Variants in MLLT1 observed in about 807,000 individuals in gnomAD.
MLLT1 encodes protein ENL.
Under a neutral mutation model 55.1 loss-of-function variants are expected in MLLT1, and 11 were observed. That is an observed-to-expected ratio of 0.20 (90% CI 0.13 to 0.33). The LOEUF is 0.33. Among genes scored for constraint, MLLT1 ranks in the 10% least tolerant of loss-of-function variants. The pLI is 1.00. For missense variants in MLLT1, 536 were observed against 760.6 expected (o/e 0.70, Z 3.47); for synonymous variants, 323 against 320.1 (o/e 1.01, Z -0.10).
rs544626099 is a variant in MLLT1, at chr19:6,211,580, G to C, written c.*1462C>G. 189 of 1,063,050 alleles carry C rather than the reference G, an allele frequency of 1.8e-4. No individual in the cohort carries two copies. The highest frequency in any genetic ancestry group is 2.1e-4 in the Non-Finnish European group (186 of 877,066). The allele number at this position is 1,063,050 out of a possible 1,614,324, so 65.9% of individuals were successfully genotyped here. A position where few individuals can be genotyped will look rare whatever the true frequency, so the allele number is the denominator to read the frequency against. On this transcript the variant is annotated 3_prime_UTR_variant, in exon 12 of 12. Transcript: ENST00000252674. This position sits in a 1 kb window ranked among gnomAD's most constrained non-coding sequence, Gnocchi z 4.6. ...GGAGGAGACATCTAGGTGGGTTCGA[G>C]GGGGTGCGAGCCCACCTCCAGGCCC...
intron 3 of MLLT1, among the ~76,000 whole-genome samples, chr19:6,237,213 C>T (rs974883171): frequency 1.3e-4 from 20 of 152,222 alleles, no homozygotes; most frequent in Admixed American, 6.5e-5. Flanking sequence ...GCGGGCCATG[C>T]GTGGAGCGCC....
Position 6,262,217 on chromosome 19 carries a change from A to T in MLLT1, c.276+11T>A, listed in dbSNP as rs1486293007. 3 of 1,612,192 alleles carry T rather than the reference A, an allele frequency of 1.9e-6. No homozygotes were observed. The highest frequency in any genetic ancestry group is 2.5e-6 in the Non-Finnish European group (3 of 1,178,520). On this transcript the variant is annotated intron_variant, in intron 3 of 11. Transcript: ENST00000252674. This position sits in a 1 kb window ranked among gnomAD's most constrained non-coding sequence, Gnocchi z 4.4. Reference sequence around the variant, plus strand: ...GAGAGGCATCCTGCTTGCTCCCCTCAGGGATCCTACCTTGTTTTTGAAGTG... The same window carrying T: ...GAGAGGCATCCTGCTTGCTCCCCTCTGGGATCCTACCTTGTTTTTGAAGTG...
chr19:6,245,185 T>G (rs1005450827), intron 3 of MLLT1, among the ~76,000 whole-genome samples: 1 of 151,954 alleles, frequency 6.6e-6, no homozygotes, highest in Non-Finnish European at 1.5e-5. Context: ...AAAAAAAAAT[T>G]TTTTTAAATC....
intron 4 of MLLT1, among the ~76,000 whole-genome samples, chr19:6,228,738 C>T (rs560810063): frequency 2.0e-5 from 3 of 152,284 alleles, no homozygotes; most frequent in South Asian, 2.1e-4. Context: ...CCCCTGCCAC[C>T]GAGGCCTCCG....
chr19:6,243,172 G>A (rs892498689), intron 3 of MLLT1, among the ~76,000 whole-genome samples: 13 of 152,208 alleles, frequency 8.5e-5, no homozygotes, highest in African/African-American at 3.1e-4. Context: ...GTCACCAAGC[G>A]GTAAAGCTGA....
At chr19:6,217,551 G>A (rs1164804064) in intron 7 of MLLT1, among the ~76,000 whole-genome samples, 3 of 152,360 alleles carry the variant, frequency 2.0e-5, no homozygotes, top group Non-Finnish European at 2.9e-5. Context: ...GGCAGCAGGA[G>A]ACCCCGGCCG....
chr19:6,236,492 C>G (rs1449818063), intron 3 of MLLT1, among the ~76,000 whole-genome samples: 2 of 152,118 alleles, frequency 1.3e-5, no homozygotes, highest in Admixed American at 6.5e-5. Flanking sequence ...ACGAGGAGAC[C>G]CGGCATGTTC....
chr19:6,247,332 C>T (rs138989971), intron 3 of MLLT1, among the ~76,000 whole-genome samples: 16 of 152,200 alleles, frequency 1.1e-4, no homozygotes, highest in Non-Finnish European at 1.8e-4. Context: ...CTGGGAGCAG[C>T]GGAAGATTCT....
chr19:6,272,338 C>T (rs1448354152), intron 1 of MLLT1, among the ~76,000 whole-genome samples: 2 of 152,180 alleles, frequency 1.3e-5, no homozygotes, highest in East Asian at 1.9e-4. Flanking sequence ...ATGCAGGAAA[C>T]GCGCACATTC....
chr19:6,252,516 T>C (rs116845048), intron 3 of MLLT1, among the ~76,000 whole-genome samples: 83 of 152,314 alleles, frequency 5.4e-4, no homozygotes, highest in Non-Finnish European at 7.5e-4. Flanking sequence ...CTGGGAGAAT[T>C]AGAAGATACT....
rs2090982381 is a variant in MLLT1, at chr19:6,229,128, C to T, written c.420+1442G>A. Among the ~76,000 whole-genome samples, 1 of 152,098 alleles carries T rather than the reference C, an allele frequency of 6.6e-6. No homozygotes were observed. Among genetic ancestry groups the T allele is most frequent in the African/African-American group, 2.4e-5 (1 of 41,414 alleles). On this transcript the variant is annotated intron_variant, in intron 4 of 11. Transcript: ENST00000252674. This position sits in a 1 kb window ranked among gnomAD's most constrained non-coding sequence, Gnocchi z 5.2. The stretch of plus-strand genomic sequence containing the variant: ...CACAGCCACGCCACCACGGAACCTC[C>T]GGGGACGCCCAAAAACACCTACTGC...
intron 3 of MLLT1, among the ~76,000 whole-genome samples, chr19:6,251,295 G>A (rs986139241): frequency 1.3e-5 from 2 of 152,152 alleles, no homozygotes; most frequent in Non-Finnish European, 1.5e-5. Context: ...ATGGGGGTGC[G>A]GCGGCACTTA....
chr19:6,264,043 G>A lies in MLLT1; in HGVS notation c.194-1733C>T, dbSNP rs1229930873. ...ATTAGACAGCAGTGATGGAATCAGTGGTCATGGCCGCACAACTATGTGAAT... is the reference window on the plus strand; with the variant it reads ...ATTAGACAGCAGTGATGGAATCAGTAGTCATGGCCGCACAACTATGTGAAT... On this transcript the variant is annotated intron_variant, in intron 2 of 11. Coordinates refer to ENST00000252674, the MANE Select transcript of MLLT1 (RefSeq NM_005934.4). Among the ~76,000 whole-genome samples the A allele has an allele frequency of 2.6e-5, 4 of 152,172 alleles. No homozygotes were observed. In the East Asian group the frequency reaches 5.8e-4, roughly 22 times the overall value.
At chr19:6,261,035 G>A (rs913153261) in intron 3 of MLLT1, among the ~76,000 whole-genome samples, 29 of 152,138 alleles carry the variant, frequency 1.9e-4, no homozygotes, top group Admixed American at 1.6e-3. Context: ...CCCCTCAACC[G>A]CCCCAAGAGG....
intron 3 of MLLT1, among the ~76,000 whole-genome samples, chr19:6,257,431 G>T (rs1460533256): frequency 6.7e-6 from 1 of 148,478 alleles, no homozygotes; most frequent in African/African-American, 2.5e-5. Context: ...AAGGGGAAAA[G>T]ATATTTGAAA....
intron 2 of MLLT1, among the ~76,000 whole-genome samples, chr19:6,264,980 A>G (rs535019700): frequency 7.3e-5 from 11 of 150,214 alleles, no homozygotes; most frequent in African/African-American, 1.2e-4. Context: ...AATAAATAGA[A>G]GGAAACTTTC....
At chr19:6,232,357 C>T (rs2091019723) in intron 3 of MLLT1, among the ~76,000 whole-genome samples, 1 of 152,176 alleles carries the variant, frequency 6.6e-6, no homozygotes, top group African/African-American at 2.4e-5. Flanking sequence ...GTCTCTTCAA[C>T]CAATGGTGCT....
rs113017084 is a variant in MLLT1, at chr19:6,248,788, T to C, written c.276+13440A>G. Reference sequence around the variant, plus strand: ...TAGTTCACGGCGATTGTACTGATGCTACTGTCTTGGTTTTGATCACTGGAC... The same window carrying C: ...TAGTTCACGGCGATTGTACTGATGCCACTGTCTTGGTTTTGATCACTGGAC... On this transcript the variant is annotated intron_variant, in intron 3 of 11. Transcript: ENST00000252674. 2.6e-3 allele frequency among the ~76,000 whole-genome samples: 399 copies of C among 152,328 alleles called. 1 individual carries two copies. Among genetic ancestry groups the C allele is most frequent in the African/African-American group, 9.2e-3 (381 of 41,572 alleles).
intron 2 of MLLT1, among the ~76,000 whole-genome samples, chr19:6,267,060 G>A (rs1027891334): frequency 1.3e-5 from 2 of 152,064 alleles, no homozygotes; most frequent in African/African-American, 2.4e-5. Context: ...AGCCCAAGGA[G>A]TTGGAGTTCA....
Sources: allele counts gnomAD v4.1 joint callset (sites outside exome capture counted in the v4.1 genomes callset), GRCh38; gene constraint gnomAD v4.1.1; non-coding constraint Gnocchi (gnomAD v3.1); transcripts MANE v1.5; gene names NCBI Gene and HGNC (gene_info 2026-07-23, HGNC 2026-07-21).